Variants in SYNE2 observed in about 807,000 individuals in gnomAD.
SYNE2 encodes spectrin repeat containing nuclear envelope protein 2.
Under a neutral mutation model 856.3 loss-of-function variants are expected in SYNE2, and 431 were observed. The ratio of observed to expected loss-of-function variants is 0.50; its 90% confidence interval spans 0.47 to 0.55. The LOEUF (loss-of-function observed/expected upper bound fraction) is 0.55. Ranked by LOEUF, SYNE2 falls within the 20% of genes least tolerant of loss-of-function variation. The pLI, the probability that SYNE2 is intolerant of heterozygous loss-of-function variation, is 0.00. For missense variants in SYNE2, 8,129 were observed against 8,023.2 expected (o/e 1.01, Z -0.50); for synonymous variants, 2,923 against 2,872.3 (o/e 1.02, Z -0.56).
chr14:64,135,881 G>A (rs139966309), intron 78 of SYNE2, among the ~76,000 whole-genome samples: 19 of 152,278 alleles, frequency 1.2e-4, no homozygotes, highest in Non-Finnish European at 2.5e-4. Flanking sequence ...ATCAGCCGTC[G>A]TCTGTGGGGC....
chr14:64,139,362 G>A (rs1287823280), intron 79 of SYNE2, among the ~76,000 whole-genome samples: 1 of 137,512 alleles, frequency 7.3e-6, no homozygotes, highest in Admixed American at 6.8e-5. Flanking sequence ...ATACTTTTGT[G>A]TAGCTGTAAT....
chr14:63,988,666 C>A (rs2096644150), intron 19 of SYNE2, among the ~76,000 whole-genome samples: 1 of 152,116 alleles, frequency 6.6e-6, no homozygotes, highest in Admixed American at 6.6e-5. Context: ...GGGCAATTGA[C>A]AAAAGAAAGA....
chr14:64,123,370 A>T (rs542286856), intron 70 of SYNE2, among the ~76,000 whole-genome samples: 7 of 152,184 alleles, frequency 4.6e-5, no homozygotes, highest in Admixed American at 4.6e-4. Flanking sequence ...CTTCCACCAC[A>T]TACTCACATT....
At chr14:64,082,600 A>G (rs2097532732) in intron 57 of SYNE2, among the ~76,000 whole-genome samples, 1 of 152,200 alleles carries the variant, frequency 6.6e-6, no homozygotes, top group South Asian at 2.1e-4. Context: ...AATTTTGCCA[A>G]CAACCTGAAT....
intron 1 of SYNE2, among the ~76,000 whole-genome samples, chr14:63,777,222 G>A (rs949836543): frequency 1.3e-5 from 2 of 152,220 alleles, no homozygotes; most frequent in African/African-American, 4.8e-5. Flanking sequence ...TGACTGCTAT[G>A]ACAGAATACT....
intron 1 of SYNE2, among the ~76,000 whole-genome samples, chr14:63,807,865 A>AT (rs1267385896): frequency 1.7e-4 from 17 of 97,380 alleles, no homozygotes; most frequent in Non-Finnish European, 2.1e-4. Flanking sequence ...ATATATATAT[A>AT]ATTTCAATAG....
intron 57 of SYNE2, 36 bp from the exon 58 acceptor site, chr14:64,087,635 G>T (rs1286396972): frequency 1.9e-6 from 3 of 1,603,092 alleles, no homozygotes; most frequent in East Asian, 4.5e-5. Flanking sequence ...GGATCTTGAT[G>T]TTTCTCTCTA....
intron 1 of SYNE2, among the ~76,000 whole-genome samples, chr14:63,778,277 G>T (rs1224651137): frequency 6.6e-6 from 1 of 152,030 alleles, no homozygotes; most frequent in Non-Finnish European, 1.5e-5. Context: ...CCCTTCCTCT[G>T]CAATTGTAAG....
At chr14:63,800,795 CTG>C (rs1161642546) in intron 1 of SYNE2, among the ~76,000 whole-genome samples, 2 of 152,048 alleles carry the variant, frequency 1.3e-5, no homozygotes, top group Non-Finnish European at 2.9e-5. Context: ...GAAGCAGACA[CTG>C]TGATCTACTT....
In SYNE2 at chr14:64,029,940, T is replaced by G. The variant is rs778724438; in HGVS notation, c.6760T>G (p.Tyr2254Asp). 5.0e-6 allele frequency: 8 copies of G among 1,614,006 alleles called. No individual in the cohort carries two copies. The highest frequency in any genetic ancestry group is 3.3e-5 in the South Asian group (3 of 91,066). Residue 2254 changes from tyrosine to aspartate, a missense_variant, in exon 44 of 116, where the codon TAC (tyrosine) becomes GAC (aspartate). This residue lies in a region of SYNE2 where 297 missense variants were observed against 380.9 expected (regional missense o/e 0.78). Coordinates refer to ENST00000555002, the MANE Select transcript of SYNE2 (RefSeq NM_182914.3). ...CGGTCACGTTCGAGAACATGATTCATACCAGGTTTGCGTCACAGACCTGAA... is the reference window on the plus strand; with the variant it reads ...CGGTCACGTTCGAGAACATGATTCAGACCAGGTTTGCGTCACAGACCTGAA... Reference protein sequence around the residue: ...LDGHVREHDSYQVCVTDLNTT... With the variant: ...LDGHVREHDSDQVCVTDLNTT...
intron 2 of SYNE2, among the ~76,000 whole-genome samples, chr14:63,935,574 A>C (rs1391524384): frequency 6.6e-6 from 1 of 152,226 alleles, no homozygotes; most frequent in Non-Finnish European, 1.5e-5. Context: ...TGACTATTAG[A>C]TAGAGATTAA....
Position 64,051,635 on chromosome 14 carries a change from A to G in SYNE2, c.7722A>G (p.Leu2574=). ...CCATAGAAAAAGAGAAAGATTCTTT[A>G]GGCAACTTGAAAATCAAATGGGAGA... The part of the protein sequence containing the change: ...IASIEKEKDS[L]GNLKIKWENL... Residue 2574 remains leucine (L), a synonymous_variant, in exon 48 of 116, where the codon TTA becomes TTG. Transcript: ENST00000555002. The G allele has an allele frequency of 6.2e-7, 1 of 1,614,168 alleles. No individual in the cohort carries two copies. The highest frequency in any genetic ancestry group is 8.5e-7 in the Non-Finnish European group (1 of 1,179,980).
intron 45 of SYNE2, among the ~76,000 whole-genome samples, chr14:64,042,963 GA>G (rs1336373973): frequency 2.6e-5 from 4 of 152,146 alleles, no homozygotes; most frequent in African/African-American, 9.7e-5. Context: ...GGAAAGTTTG[GA>G]ACTTCCTAGA....
chr14:64,148,534 C>T (rs777435938), intron 84 of SYNE2, among the ~76,000 whole-genome samples: 2 of 152,244 alleles, frequency 1.3e-5, no homozygotes, highest in African/African-American at 2.4e-5. Flanking sequence ...CCCCTCGCCC[C>T]CACCATCCAC....
intron 2 of SYNE2, among the ~76,000 whole-genome samples, chr14:63,924,323 T>G (rs1196925869): frequency 6.6e-6 from 1 of 152,226 alleles, no homozygotes; most frequent in Non-Finnish European, 1.5e-5. Context: ...CTTTTCAACA[T>G]TGCTTTAGCT....
chr14:64,019,948 G>C (rs1417174807), intron 34 of SYNE2, 44 bp from the exon 35 acceptor site: 1 of 1,276,470 alleles, frequency 7.8e-7, no homozygotes, highest in Admixed American at 1.7e-5. Context: ...AGAAAATAAG[G>C]TATGAAATAA....
Position 64,104,531 on chromosome 14 carries a change from C to A in SYNE2, c.12492+2489C>A, listed in dbSNP as rs186713769. ...GTGGTGCGATCTCAGCTCACTGCAACCTCTGCCTCCTGGGTTCAAGCGATT... is the reference window on the plus strand; with the variant it reads ...GTGGTGCGATCTCAGCTCACTGCAAACTCTGCCTCCTGGGTTCAAGCGATT... On this transcript the variant is annotated intron_variant, in intron 64 of 115. Transcript: ENST00000555002. 2.9e-4 allele frequency among the ~76,000 whole-genome samples: 44 copies of A among 150,364 alleles called. No homozygotes were observed. The East Asian group carries it at 8.1e-3, about 28-fold the overall frequency.
At chr14:63,991,195 C>T in intron 21 of SYNE2, 80 bp downstream of exon 21, 1 of 1,370,240 alleles carries the variant, frequency 7.3e-7, no homozygotes, top group Non-Finnish European at 1.0e-6. Context: ...GTTTCCTTCA[C>T]TGTAATTATA....
intron 82 of SYNE2, among the ~76,000 whole-genome samples, chr14:64,143,092 G>T (rs939394113): frequency 1.3e-5 from 2 of 152,102 alleles, no homozygotes; most frequent in Admixed American, 1.3e-4. Context: ...TAAAATCTTC[G>T]AAAAGTCTAC....
Sources: gnomAD v4.1 joint callset for allele counts (sites outside exome capture counted in the v4.1 genomes callset) on GRCh38, gnomAD v4.1.1 for gene constraint, gnomAD v4.1.1 regional missense constraint, MANE v1.5 for transcripts, NCBI Gene and HGNC (gene_info 2026-07-23, HGNC 2026-07-21) for gene names.